Variants in TBL1XR1 observed in about 807,000 individuals in gnomAD.
The protein encoded by TBL1XR1 is TBL1X/Y related 1.
Under a neutral mutation model 66.9 loss-of-function variants are expected in TBL1XR1, and 5 were observed. The observed-to-expected ratio is 0.07, with a 90% CI of 0.04 to 0.16. The LOEUF is 0.16. Ranked by LOEUF, TBL1XR1 falls within the 10% of genes least tolerant of loss-of-function variation. The pLI is 1.00. For missense variants in TBL1XR1, 238 were observed against 623.2 expected (o/e 0.38, Z 6.58); for synonymous variants, 210 against 206.0 (o/e 1.02, Z -0.17).
chr3:177,143,408 A>G (rs749541674), intron 1 of TBL1XR1, among the ~76,000 whole-genome samples: 1 of 152,184 alleles, frequency 6.6e-6, no homozygotes, highest in Non-Finnish European at 1.5e-5. Flanking sequence ...GGAATATTAT[A>G]GGCAAAGATA....
At chr3:177,075,231 T>G (rs1720549436) in intron 2 of TBL1XR1, among the ~76,000 whole-genome samples, 1 of 152,236 alleles carries the variant, frequency 6.6e-6, no homozygotes, top group Non-Finnish European at 1.5e-5. Context: ...GCGGCAAAAT[T>G]AGTCTCTGCC....
At chr3:177,134,984 T>C (rs1458587971) in intron 1 of TBL1XR1, among the ~76,000 whole-genome samples, 2 of 151,336 alleles carry the variant, frequency 1.3e-5, no homozygotes, top group Non-Finnish European at 2.9e-5. Context: ...TGTGTCTGTG[T>C]GTGTGTGTTT....
chr3:177,083,034 T>C (rs9862462), intron 2 of TBL1XR1, among the ~76,000 whole-genome samples: 117 of 151,972 alleles, frequency 7.7e-4, no homozygotes, highest in African/African-American at 2.8e-3. Flanking sequence ...TATTTTAAAA[T>C]AAATTCTAAT....
chr3:177,196,778 C>T (rs1162178511), intron 1 of TBL1XR1, among the ~76,000 whole-genome samples: 2 of 151,370 alleles, frequency 1.3e-5, no homozygotes, highest in Non-Finnish European at 2.9e-5. Flanking sequence ...TGTAAATGCA[C>T]GAAGGGAGGA....
At chr3:177,156,165 C>CA (rs60079156) in intron 1 of TBL1XR1, among the ~76,000 whole-genome samples, 26 of 49,976 alleles carry the variant, frequency 5.2e-4, no homozygotes, top group African/African-American at 1.0e-3. Flanking sequence ...TCTACTCTAC[C>CA]AAAAAAAAAA....
chr3:177,111,861 G>C (rs144348667), intron 1 of TBL1XR1, among the ~76,000 whole-genome samples: 2 of 150,988 alleles, frequency 1.3e-5, no homozygotes, highest in African/African-American at 4.9e-5. Context: ...AATGCACCTG[G>C]GTCCTCATCC....
At chr3:177,031,088 G>A (rs1713924059) in intron 14 of TBL1XR1, among the ~76,000 whole-genome samples, 1 of 152,034 alleles carries the variant, frequency 6.6e-6, no homozygotes, top group South Asian at 2.1e-4. Flanking sequence ...CTCCAGCCTG[G>A]GGCACAAGAG....
intron 1 of TBL1XR1, among the ~76,000 whole-genome samples, chr3:177,144,698 C>T (rs146251586): frequency 2.0e-5 from 3 of 150,572 alleles, no homozygotes; most frequent in African/African-American, 4.9e-5. Flanking sequence ...GCTTGCAGTG[C>T]GCCGAGATTG....
chr3:177,163,414 C>G (rs1484905719), intron 1 of TBL1XR1, among the ~76,000 whole-genome samples: 1 of 151,600 alleles, frequency 6.6e-6, no homozygotes, highest in Non-Finnish European at 1.5e-5. Flanking sequence ...GAGGCTGAGG[C>G]AGAAGAATCA....
rs368783243 is a variant in TBL1XR1 at position 177,163,231 on chromosome 3, G to A, written c.-122+33890C>T. Among the ~76,000 whole-genome samples, 17 of 152,278 alleles carry A rather than the reference G, an allele frequency of 1.1e-4. 1 individual carries two copies. The East Asian group carries it at 2.7e-3, about 24-fold the overall frequency. ...ATTTAAAAGAAAAAAAAGAGGCCGG[G>A]CGTGGTGGCTCACGCTTGTAATCCC... On this transcript the variant is annotated intron_variant, in intron 1 of 15. Transcript: ENST00000457928.
intron 1 of TBL1XR1, among the ~76,000 whole-genome samples, chr3:177,173,130 T>A (rs1733760149): frequency 6.6e-6 from 1 of 152,160 alleles, no homozygotes; most frequent in Non-Finnish European, 1.5e-5. Flanking sequence ...GGGGCTGCAG[T>A]GAGCCGAGAT....
intron 2 of TBL1XR1, among the ~76,000 whole-genome samples, chr3:177,095,324 G>A (rs1723335966): frequency 6.6e-6 from 1 of 152,030 alleles, no homozygotes; most frequent in East Asian, 1.9e-4. Flanking sequence ...ACTTCAGCCT[G>A]GGCAACAGGG....
chr3:177,195,042 A>G (rs1736654762), intron 1 of TBL1XR1, among the ~76,000 whole-genome samples: 1 of 152,176 alleles, frequency 6.6e-6, no homozygotes, highest in Admixed American at 6.5e-5. Context: ...AGCAATAAGA[A>G]AAACTTTTCC....
chr3:177,051,396 A>T, intron 5 of TBL1XR1, 108 bp downstream of exon 5: 2 of 961,912 alleles, frequency 2.1e-6, no homozygotes, highest in Non-Finnish European at 3.0e-6. Flanking sequence ...AACCCCTGTG[A>T]TATGAGTTCA....
chr3:177,182,977 T>G (rs573999202), intron 1 of TBL1XR1, among the ~76,000 whole-genome samples: 26 of 152,288 alleles, frequency 1.7e-4, no homozygotes, highest in African/African-American at 6.0e-4. Flanking sequence ...CCTCCAAAAC[T>G]CTTAAATTTA....
chr3:177,034,553 A>G (rs778151557), intron 12 of TBL1XR1, among the ~76,000 whole-genome samples: 1 of 152,144 alleles, frequency 6.6e-6, no homozygotes, highest in Non-Finnish European at 1.5e-5. Flanking sequence ...AATATTCACT[A>G]TTACAAAGTT....
intron 1 of TBL1XR1, among the ~76,000 whole-genome samples, chr3:177,176,990 A>G (rs892495110): frequency 6.6e-6 from 1 of 152,020 alleles, no homozygotes; most frequent in African/African-American, 2.4e-5. Flanking sequence ...TTTTTTGAAA[A>G]AGGAAAATAG....
chr3:177,137,344 C>T (rs1035512781), intron 1 of TBL1XR1, among the ~76,000 whole-genome samples: 3 of 151,616 alleles, frequency 2.0e-5, no homozygotes, highest in Non-Finnish European at 4.4e-5. Flanking sequence ...ATACAAAAAT[C>T]GTCAGGGCGT....
chr3:177,085,355 C>G (rs767852787), intron 2 of TBL1XR1, among the ~76,000 whole-genome samples: 1 of 152,222 alleles, frequency 6.6e-6, no homozygotes, highest in Admixed American at 6.5e-5. Context: ...ATTGGAACCA[C>G]TGCCCATGGG....
Sources: gnomAD v4.1 joint callset for allele counts (sites outside exome capture counted in the v4.1 genomes callset) on GRCh38, gnomAD v4.1.1 for gene constraint, MANE v1.5 for transcripts, NCBI Gene and HGNC (gene_info 2026-07-23, HGNC 2026-07-21) for gene names.